WWP2: variants seen among roughly 807,000 people sequenced by gnomAD.
WWP2 encodes the protein WW domain containing E3 ubiquitin protein ligase 2.
In WWP2, 57 loss-of-function variants were observed where a neutral mutation model predicts 121.0. The ratio of observed to expected loss-of-function variants is 0.47; its 90% CI spans 0.38 to 0.59. WWP2 has a LOEUF of 0.59. WWP2 is among the 20% of genes least tolerant of loss of function. The pLI is 0.00. For missense variants in WWP2, 962 were observed against 1,158.9 expected, an observed-to-expected ratio of 0.83 and a Z score of 2.47; for synonymous variants, 449 against 441.3, an observed-to-expected ratio of 1.02 and a Z score of -0.22.
chr16:69,796,662 G>C (rs1041436031), intron 2 of WWP2, among the ~76,000 whole-genome samples: 1 of 152,138 alleles, frequency 6.6e-6, no homozygotes, highest in Admixed American at 6.5e-5. Context: ...ATTTTTTAAA[G>C]GCATGTAGAT....
intron 1 of WWP2, 98 bp from the exon 2 acceptor site, chr16:69,786,898 C>G: frequency 4.7e-6 from 5 of 1,071,690 alleles, no homozygotes. Context: ...TTTCTATTTT[C>G]TTGCCTGTTT....
intron 12 of WWP2, among the ~76,000 whole-genome samples, chr16:69,929,848 C>A (rs1423061504): frequency 1.3e-5 from 2 of 152,210 alleles, no homozygotes; most frequent in South Asian, 2.1e-4. Flanking sequence ...CCCAACACCC[C>A]CAAGTGAAGC....
In WWP2 at chr16:69,939,120, A is replaced by C; in HGVS notation, c.2437A>C (p.Ile813Leu). Reference sequence around the variant, plus strand: ...GCCCGTCGGGGGATTTGCCGAACTCATCGGTATGTTTTCTCTCGCCCTCTG... The same window carrying C: ...GCCCGTCGGGGGATTTGCCGAACTCCTCGGTATGTTTTCTCTCGCCCTCTG... Reference protein sequence around the residue: ...RLPVGGFAELIGSNGPQKFCI... With the variant: ...RLPVGGFAELLGSNGPQKFCI... The change falls in exon 22 of 24, where the codon ATC becomes CTC. Residue 813 changes from isoleucine to leucine, a missense_variant. Around this residue, in one of 3 missense-constraint regions of WWP2, gnomAD observed 606 missense variants for 772.6 expected, o/e 0.78. Transcript: ENST00000359154. 6.3e-7 allele frequency: 1 copy of C among 1,598,420 alleles called. No individual in the cohort carries two copies. Among genetic ancestry groups the C allele is most frequent in the South Asian group, 1.1e-5 (1 of 88,924 alleles).
In WWP2 at chr16:69,940,057, AC is replaced by A; in HGVS notation, c.*119del. ...CCCCGTGGATGTGGCCCTGTGTGGGACCACACTGTCATCTCGCTGCTGGCAG... is the reference window on the plus strand; with the variant it reads ...CCCCGTGGATGTGGCCCTGTGTGGGACACACTGTCATCTCGCTGCTGGCAG... On this transcript the variant is annotated 3_prime_UTR_variant, in exon 24 of 24. Coordinates refer to ENST00000359154, the MANE Select transcript of WWP2 (RefSeq NM_001270454.2). 1.3e-6 allele frequency: 1 copy of A among 782,954 alleles called. No individual in the cohort carries two copies. Among genetic ancestry groups the A allele is most frequent in the Non-Finnish European group, 2.0e-6 (1 of 495,640 alleles). The allele number at this position is 782,954 out of a possible 1,614,324, so 48.5% of individuals were successfully genotyped here.
intron 1 of WWP2, among the ~76,000 whole-genome samples, chr16:69,763,008 C>T (rs1381587335): frequency 6.6e-6 from 1 of 152,046 alleles, no homozygotes; most frequent in Non-Finnish European, 1.5e-5. Context: ...AGCCCTTCAG[C>T]TCATTTTTCT....
intron 8 of WWP2, among the ~76,000 whole-genome samples, chr16:69,896,650 G>A (rs997015706): frequency 6.6e-6 from 1 of 151,088 alleles, no homozygotes; most frequent in African/African-American, 2.4e-5. Flanking sequence ...GGTGGGAGAA[G>A]AACAGTACAT....
intron 7 of WWP2, among the ~76,000 whole-genome samples, chr16:69,878,046 G>A (rs1273076566): frequency 6.6e-6 from 1 of 152,076 alleles, no homozygotes; most frequent in Admixed American, 6.6e-5. Flanking sequence ...GACCTCAGGT[G>A]ATCCACCCGC....
intron 1 of WWP2, among the ~76,000 whole-genome samples, chr16:69,777,910 A>T (rs1190662410): frequency 6.6e-6 from 1 of 150,532 alleles, no homozygotes; most frequent in African/African-American, 2.4e-5. Flanking sequence ...CTGTACAAAA[A>T]ATTTAAAAAA....
chr16:69,868,528 A>G (rs137862538), intron 6 of WWP2, among the ~76,000 whole-genome samples: 51 of 152,272 alleles, frequency 3.3e-4, no homozygotes, highest in African/African-American at 1.2e-3. Flanking sequence ...TGAGGGGTCC[A>G]GCTTGCTCCT....
At chr16:69,784,320 G>A (rs756687962) in intron 1 of WWP2, among the ~76,000 whole-genome samples, 4 of 152,066 alleles carry the variant, frequency 2.6e-5, no homozygotes, top group South Asian at 2.1e-4. Flanking sequence ...GGCTGGTCTC[G>A]AACTCCTGAC....
intron 8 of WWP2, among the ~76,000 whole-genome samples, chr16:69,905,113 G>A (rs1314433509): frequency 2.0e-5 from 3 of 152,226 alleles, no homozygotes; most frequent in Non-Finnish European, 4.4e-5. Context: ...CCTTGCTTCC[G>A]TGTTCAGCCT....
intron 7 of WWP2, among the ~76,000 whole-genome samples, chr16:69,884,395 G>T (rs1314709554): frequency 6.6e-6 from 1 of 152,166 alleles, no homozygotes; most frequent in Non-Finnish European, 1.5e-5. Context: ...AGGCTGAGGT[G>T]GGAGGATCGC....
At chr16:69,773,810 T>C (rs2055468699) in intron 1 of WWP2, among the ~76,000 whole-genome samples, 1 of 152,240 alleles carries the variant, frequency 6.6e-6, no homozygotes, top group Non-Finnish European at 1.5e-5. Context: ...CATAATTTTC[T>C]ATGCAAATTT....
intron 6 of WWP2, among the ~76,000 whole-genome samples, chr16:69,849,117 T>C (rs2057148672): frequency 6.6e-6 from 1 of 152,200 alleles, no homozygotes; most frequent in Non-Finnish European, 1.5e-5. Flanking sequence ...GCAGACAGCC[T>C]ATCCCAGAAA....
intron 4 of WWP2, among the ~76,000 whole-genome samples, chr16:69,819,636 G>A (rs937243023): frequency 6.6e-6 from 1 of 152,048 alleles, no homozygotes; most frequent in African/African-American, 2.4e-5. Context: ...TTGAACTCCT[G>A]GCCCCAAGCA....
At position 69,921,887 on chromosome 16, in the gene WWP2, A is replaced by T. The variant is rs570357875; in HGVS notation, c.1180-3543A>T. 2.2e-3 allele frequency among the ~76,000 whole-genome samples: 339 copies of T among 152,114 alleles called. 5 individuals carry two copies. Among genetic ancestry groups the T allele is most frequent in the Middle Eastern group, 3.4e-3 (1 of 294 alleles). The stretch of plus-strand genomic sequence containing the variant: ...TCGGGAGTTCAAGACCATCCTGGCC[A>T]ACATGGTGAAACCCTGTCTCTACTA... On this transcript the variant is annotated intron_variant, in intron 10 of 23. Transcript: ENST00000359154.
rs114980186 is a variant in WWP2 at position 69,889,695 on chromosome 16, G to A, written c.914+1446G>A. Among the ~76,000 whole-genome samples the A allele has an allele frequency of 7.7e-3, 1,175 of 152,240 alleles. 16 individuals carry two copies. The highest frequency in any genetic ancestry group is 0.027 in the African/African-American group (1,128 of 41,544). On this transcript the variant is annotated intron_variant, in intron 8 of 23. Transcript: ENST00000359154. The stretch of plus-strand genomic sequence containing the variant: ...AACCGGGAGGTGAAGTCCCTTCTTC[G>A]CAGCTCTGATCATGGTTGGGGCCAG...
intron 4 of WWP2, among the ~76,000 whole-genome samples, chr16:69,805,411 G>T (rs2151822924): frequency 6.6e-6 from 1 of 152,222 alleles, no homozygotes. Context: ...TTTCTATTTT[G>T]TGTTAGTTGC....
rs995162546 is a variant in WWP2, at chr16:69,867,468, C to T, written c.576-4336C>T. The stretch of plus-strand genomic sequence containing the variant: ...ACATTTCAGCGGCCCTCATGAAGGG[C>T]GAGGCCAGGTGTCCCATGACACCCA... On this transcript the variant is annotated intron_variant, in intron 6 of 23. Coordinates refer to ENST00000359154, the MANE Select transcript of WWP2 (RefSeq NM_001270454.2). Among the ~76,000 whole-genome samples the T allele has an allele frequency of 4.6e-5, 7 of 152,156 alleles. No homozygotes were observed. The South Asian group carries it at 8.3e-4, about 18-fold the overall frequency.
Sources: allele counts gnomAD v4.1 joint callset (sites outside exome capture counted in the v4.1 genomes callset), GRCh38; gene constraint gnomAD v4.1.1; regional missense constraint gnomAD v4.1.1; transcripts MANE v1.5; gene names NCBI Gene and HGNC (gene_info 2026-07-23, HGNC 2026-07-21).